Variants in GRM2 observed in about 807,000 individuals in gnomAD.
GRM2 encodes the protein metabotropic glutamate receptor 2.
A neutral mutation model predicts 60.4 loss-of-function variants in GRM2; 35 were observed. The ratio of observed to expected loss-of-function variants is 0.58; its 90% CI spans 0.44 to 0.77. GRM2 has a LOEUF of 0.77. Ranked by LOEUF, GRM2 falls within the 30% of genes least tolerant of loss-of-function variation. The probability of loss-of-function intolerance (pLI) is 0.00; values close to 1 mark genes in which losing one functional copy is unlikely to be tolerated. For missense variants in GRM2, 925 were observed against 1,199.5 expected, an observed-to-expected ratio of 0.77 and a Z score of 3.38; for synonymous variants, 437 against 484.1, an observed-to-expected ratio of 0.90 and a Z score of 1.28.
In GRM2 at chr3:51,713,181, G is replaced by A. The variant is rs776728919; in HGVS notation, c.1159G>A (p.Ala387Thr). The change falls in exon 3 of 6, where the codon GCC becomes ACC. Residue 387 changes from alanine (A) to threonine (T), a missense_variant. Transcript: ENST00000395052. This position sits in a 1 kb window ranked among gnomAD's most constrained non-coding sequence, Gnocchi z 4.8. The stretch of plus-strand genomic sequence containing the variant: ...CATGTTTGTGGTCAATGCAGTGTAC[G>A]CCATGGCCCATGCGCTCCACAACAT... The part of the protein sequence containing the change: ...KIMFVVNAVY[A>T]MAHALHNMHR... 1.7e-5 allele frequency: 27 copies of A among 1,613,112 alleles called. No individual in the cohort carries two copies. The highest frequency in any genetic ancestry group is 2.3e-5 in the Non-Finnish European group (27 of 1,179,998).
In GRM2 at chr3:51,707,131, C is replaced by T. The variant is rs1246428542; in HGVS notation, c.-173C>T. Reference sequence around the variant, plus strand: ...AGCCGGAGCCTCGCGCCCCCCGCTCCACTCCGATTCTCTCCGCGCCAGAGC... The same window carrying T: ...AGCCGGAGCCTCGCGCCCCCCGCTCTACTCCGATTCTCTCCGCGCCAGAGC... On this transcript the variant is annotated 5_prime_UTR_variant, in exon 1 of 6. Coordinates refer to ENST00000395052, the MANE Select transcript of GRM2 (RefSeq NM_000839.5). The T allele has an allele frequency of 6.6e-6, 1 of 152,438 alleles. No homozygotes were observed. Among genetic ancestry groups the T allele is most frequent in the African/African-American group, 2.4e-5 (1 of 41,436 alleles). The allele number at this position is 152,438 out of a possible 1,614,324, so 9.4% of individuals were successfully genotyped here. A position where few individuals can be genotyped will look rare whatever the true frequency, so the allele number is the denominator to read the frequency against.
intron 1 of GRM2, chr3:51,707,415 C>A: frequency 6.5e-6 from 1 of 153,468 alleles, no homozygotes. Context: ...GTCCTTCTTT[C>A]TGTCTGTGCC....
rs1442086062 is a variant in GRM2, at chr3:51,715,296, A to T, written c.1523A>T (p.Glu508Val). 6.2e-7 allele frequency: 1 copy of T among 1,611,854 alleles called. No homozygotes were observed. The highest frequency in any genetic ancestry group is 8.5e-7 in the Non-Finnish European group (1 of 1,178,764). Residue 508 changes from glutamate to valine, a missense_variant, in exon 4 of 6, where the codon GAG becomes GTG. Coordinates refer to ENST00000395052, the MANE Select transcript of GRM2 (RefSeq NM_000839.5). The surrounding 1 kb of genome is among the most constrained non-coding windows in gnomAD (Gnocchi z 9.0). ...TGCAGTGAGCCCTGCCTCCAGAATG[A>T]GGTGAAGAGTGTGCAGCCGGGCGAA... is the stretch of plus-strand genomic sequence containing the variant. ...SRCSEPCLQN[E>V]VKSVQPGEVC...
At position 51,715,095 on chromosome 3, in the gene GRM2, T is replaced by C; in HGVS notation, c.1322T>C (p.Val441Ala). 1 of 1,573,696 alleles carries C rather than the reference T, an allele frequency of 6.4e-7. No individual in the cohort carries two copies. The highest frequency in any genetic ancestry group is 8.6e-7 in the Non-Finnish European group (1 of 1,156,516). ...CGCCCAGCTGACACCCACAATGAGG[T>C]CCGCTTTGACCGCTTTGGTGATGGT... ...PFRPADTHNEVRFDRFGDGIG... is the reference protein window; with the variant it reads ...PFRPADTHNEARFDRFGDGIG... Residue 441 changes from valine to alanine, a missense_variant, in exon 4 of 6, where the codon GTC becomes GCC. Val to Ala is a moderately conservative substitution (Grantham distance 64). Coordinates refer to ENST00000395052, the MANE Select transcript of GRM2 (RefSeq NM_000839.5). This position sits in a 1 kb window ranked among gnomAD's most constrained non-coding sequence, Gnocchi z 9.0.
At position 51,715,817 on chromosome 3, in the gene GRM2, A is replaced by G; in HGVS notation, c.2044A>G (p.Ile682Val). ...RFISPASQVA[I>V]CLALISGQLL... ...CATCAGTCCTGCCTCACAGGTGGCC[A>G]TCTGCCTGGCACTTATCTCGGGCCA... The change falls in exon 4 of 6, where the codon ATC becomes GTC. Residue 682 changes from isoleucine (I) to valine (V), a missense_variant. Physicochemically the swap from Ile to Val is conservative, Grantham distance 29. Coordinates refer to ENST00000395052, the MANE Select transcript of GRM2 (RefSeq NM_000839.5). The surrounding 1 kb of genome is among the most constrained non-coding windows in gnomAD (Gnocchi z 9.0). 6.2e-7 allele frequency: 1 copy of G among 1,613,458 alleles called. No individual in the cohort carries two copies. Among genetic ancestry groups the G allele is most frequent in the Non-Finnish European group, 8.5e-7 (1 of 1,179,918 alleles).
chr3:51,707,203 T>TGCCGAC (rs1158606196), intron 1 of GRM2, 36 bp downstream of exon 1: 1 of 152,500 alleles, frequency 6.6e-6, no homozygotes, highest in African/African-American at 2.4e-5. Flanking sequence ...CCGCTGCCGC[T>TGCCGAC]GCCGACCTTT....
intron 2 of GRM2, among the ~76,000 whole-genome samples, chr3:51,710,307 A>G (rs1340609184): frequency 1.3e-5 from 2 of 152,208 alleles, no homozygotes; most frequent in African/African-American, 4.8e-5. Context: ...AACACTTTCT[A>G]CTTTGAGGTT....
chr3:51,708,931 T>C lies in GRM2; in HGVS notation c.-53T>C. 1.4e-6 allele frequency: 2 copies of C among 1,382,342 alleles called. No homozygotes were observed. The highest frequency in any genetic ancestry group is 2.8e-5 in the South Asian group (2 of 71,338). 85.6% of individuals were successfully genotyped at this position (1,382,342 alleles called of 1,614,324 possible). On this transcript the variant is annotated 5_prime_UTR_variant, in exon 2 of 6. Coordinates refer to ENST00000395052, the MANE Select transcript of GRM2 (RefSeq NM_000839.5). ...CTCTCTTTGCCTTCGCTGCTTCTAA[T>C]CTCATCCCCTGGAGACCCAGGTCTG... is the stretch of plus-strand genomic sequence containing the variant.
At position 51,707,068 on chromosome 3, in the gene GRM2, G is replaced by A. The variant is rs1373785484; in HGVS notation, c.-236G>A. 1 of 152,494 alleles carries A rather than the reference G, an allele frequency of 6.6e-6. No individual in the cohort carries two copies. Among genetic ancestry groups the A allele is most frequent in the Admixed American group, 6.6e-5 (1 of 15,246 alleles). 9.4% of individuals were successfully genotyped at this position (152,494 alleles called of 1,614,324 possible). A position where few individuals can be genotyped will look rare whatever the true frequency, so the allele number is the denominator to read the frequency against. On this transcript the variant is annotated 5_prime_UTR_variant, in exon 1 of 6. Transcript: ENST00000395052. ...GCGGCGGGGCGAGCGGGCGGGCGGA[G>A]AGCGCAGAGCCAGCGAGCCAGCGAG...
In GRM2 at chr3:51,715,381, T is replaced by C; in HGVS notation, c.1608T>C (p.Thr536=). The change falls in exon 4 of 6, where the codon ACT becomes ACC. Residue 536 remains threonine (T), a synonymous_variant. Coordinates refer to ENST00000395052, the MANE Select transcript of GRM2 (RefSeq NM_000839.5). This position sits in a 1 kb window ranked among gnomAD's most constrained non-coding sequence, Gnocchi z 9.0. The part of the protein sequence containing the change: ...QPYEYRLDEF[T]CADCGLGYWP... ...ATGAGTACCGATTGGACGAATTCAC[T>C]TGCGCTGATTGTGGCCTGGGCTACT... 6.2e-7 allele frequency: 1 copy of C among 1,613,660 alleles called. No homozygotes were observed. Among genetic ancestry groups the C allele is most frequent in the African/African-American group, 1.3e-5 (1 of 75,074 alleles).
At position 51,712,732 on chromosome 3, in the gene GRM2, C is replaced by T. The variant is rs766226233; in HGVS notation, c.710C>T (p.Thr237Ile). ...EARARNICVATSEKVGRAMSR... is the reference protein window; with the variant it reads ...EARARNICVAISEKVGRAMSR... ...CGTGCCCGCAACATCTGTGTGGCCA[C>T]CTCGGAGAAAGTGGGCCGTGCCATG... The change falls in exon 3 of 6, where the codon ACC becomes ATC. Residue 237 changes from threonine (T) to isoleucine (I), a missense_variant. Transcript: ENST00000395052. This position sits in a 1 kb window ranked among gnomAD's most constrained non-coding sequence, Gnocchi z 5.3. The T allele has an allele frequency of 5.0e-6, 8 of 1,613,532 alleles. No homozygotes were observed. The highest frequency in any genetic ancestry group is 2.2e-5 in the South Asian group (2 of 91,092).
chr3:51,715,500 G>A lies in GRM2; in HGVS notation c.1727G>A (p.Cys576Tyr). The change falls in exon 4 of 6, where the codon TGC (cysteine) becomes TAC (tyrosine). Residue 576 changes from cysteine to tyrosine, a missense_variant. Coordinates refer to ENST00000395052, the MANE Select transcript of GRM2 (RefSeq NM_000839.5). The surrounding 1 kb of genome is among the most constrained non-coding windows in gnomAD (Gnocchi z 9.0). ...GCTGTGGGACCTGTCACCATCGCCT[G>A]CCTCGGTGCCCTGGCCACCCTCTTT... ...AWAVGPVTIA[C>Y]LGALATLFVL... The A allele has an allele frequency of 6.2e-7, 1 of 1,613,074 alleles. No individual in the cohort carries two copies. The highest frequency in any genetic ancestry group is 8.5e-7 in the Non-Finnish European group (1 of 1,180,020).
At chr3:51,711,989 C>T (rs1425739813) in intron 2 of GRM2, among the ~76,000 whole-genome samples, 1 of 152,224 alleles carries the variant, frequency 6.6e-6, no homozygotes, top group Non-Finnish European at 1.5e-5. Context: ...CCACCGGACC[C>T]TGGGATCTGT....
chr3:51,715,147 T>C lies in GRM2; in HGVS notation c.1374T>C (p.Tyr458=). 2 of 1,613,348 alleles carry C rather than the reference T, an allele frequency of 1.2e-6. No individual in the cohort carries two copies. The highest frequency in any genetic ancestry group is 1.7e-6 in the Non-Finnish European group (2 of 1,179,514). The part of the protein sequence containing the change: ...DGIGRYNIFT[Y]LRAGSGRYRY... ...TTGGCCGCTACAACATCTTCACCTATCTGCGTGCAGGCAGTGGGCGCTATC... is the reference window on the plus strand; with the variant it reads ...TTGGCCGCTACAACATCTTCACCTACCTGCGTGCAGGCAGTGGGCGCTATC... The change falls in exon 4 of 6, where the codon TAT becomes TAC. Residue 458 remains tyrosine, a synonymous_variant. Transcript: ENST00000395052. This position sits in a 1 kb window ranked among gnomAD's most constrained non-coding sequence, Gnocchi z 9.0.
chr3:51,718,131 C>G lies in GRM2; in HGVS notation c.*19C>G. The stretch of plus-strand genomic sequence containing the variant: ...GCTTTGAAGACCCCATACTCCCGCC[C>G]TGACACAGCTGCTCCTGGGAACCTA... On this transcript the variant is annotated 3_prime_UTR_variant, in exon 6 of 6. Transcript: ENST00000395052. This position sits in a 1 kb window ranked among gnomAD's most constrained non-coding sequence, Gnocchi z 4.2. 1 of 1,606,338 alleles carries G rather than the reference C, an allele frequency of 6.2e-7. No individual in the cohort carries two copies.
Position 51,718,536 on chromosome 3 carries a change from GC to G in GRM2, c.*428del. On this transcript the variant is annotated 3_prime_UTR_variant, in exon 6 of 6. Coordinates refer to ENST00000395052, the MANE Select transcript of GRM2 (RefSeq NM_000839.5). The surrounding 1 kb of genome is among the most constrained non-coding windows in gnomAD (Gnocchi z 4.2). ...GGGGAGGGTGGTTATTGTGGGGGCT[GC>G]CCCTCCCCCTGCACAGTAGTTTGTC... The G allele has an allele frequency of 5.4e-6, 1 of 186,572 alleles. No homozygotes were observed. The allele number at this position is 186,572 out of a possible 1,614,324, so 11.6% of individuals were successfully genotyped here. A position where few individuals can be genotyped will look rare whatever the true frequency, so the allele number is the denominator to read the frequency against.
rs768973589 is a variant in GRM2, at chr3:51,709,326, G to C, written c.343G>C (p.Asp115His). 6.2e-7 allele frequency: 1 copy of C among 1,602,612 alleles called. No homozygotes were observed. The highest frequency in any genetic ancestry group is 8.5e-7 in the Non-Finnish European group (1 of 1,171,544). ...GCGTGCCTCACTCAGCCGTGGTGCTGATGGCTCACGCCACATCTGCCCCGA... is the reference window on the plus strand; with the variant it reads ...GCGTGCCTCACTCAGCCGTGGTGCTCATGGCTCACGCCACATCTGCCCCGA... The part of the protein sequence containing the change: ...FVRASLSRGA[D>H]GSRHICPDGS... The change falls in exon 2 of 6, where the codon GAT (aspartate) becomes CAT (histidine). Residue 115 changes from aspartate to histidine, a missense_variant. Asp to His is a moderately conservative substitution (Grantham distance 81). Transcript: ENST00000395052.
At position 51,717,279 on chromosome 3, in the gene GRM2, G is replaced by T. The variant is rs750177693; in HGVS notation, c.2365-358G>T. ...TACACTCACGCACACATACACTCAC[G>T]CAGACACCTGCAGAAATTCACCACC... On this transcript the variant is annotated intron_variant, in intron 4 of 5. Transcript: ENST00000395052. The surrounding 1 kb of genome is among the most constrained non-coding windows in gnomAD (Gnocchi z 6.0). Among the ~76,000 whole-genome samples the T allele has an allele frequency of 6.6e-6, 1 of 151,812 alleles. No individual in the cohort carries two copies. Among genetic ancestry groups the T allele is most frequent in the Non-Finnish European group, 1.5e-5 (1 of 67,952 alleles).
At position 51,715,468 on chromosome 3, in the gene GRM2, T is replaced by C. The variant is rs1333409378; in HGVS notation, c.1695T>C (p.Asp565=). ...ELPQEYIRWG[D]AWAVGPVTIA... ...CCCAGGAGTACATCCGCTGGGGCGA[T>C]GCCTGGGCTGTGGGACCTGTCACCA... Residue 565 remains aspartate, a synonymous_variant, in exon 4 of 6, where the codon GAT becomes GAC. Coordinates refer to ENST00000395052, the MANE Select transcript of GRM2 (RefSeq NM_000839.5). This position sits in a 1 kb window ranked among gnomAD's most constrained non-coding sequence, Gnocchi z 9.0. 6.2e-7 allele frequency: 1 copy of C among 1,612,876 alleles called. No homozygotes were observed. Among genetic ancestry groups the C allele is most frequent in the Admixed American group, 1.7e-5 (1 of 60,026 alleles).
Sources: gnomAD v4.1 joint callset for allele counts (sites outside exome capture counted in the v4.1 genomes callset) on GRCh38, gnomAD v4.1.1 for gene constraint, Gnocchi (gnomAD v3.1) non-coding constraint, MANE v1.5 for transcripts, NCBI Gene and HGNC (gene_info 2026-07-23, HGNC 2026-07-21) for gene names.